Variants in ROBO1 observed in about 807,000 individuals in gnomAD.
The protein encoded by ROBO1 is roundabout guidance receptor 1.
A neutral mutation model predicts 195.9 loss-of-function variants in ROBO1; 149 were observed. The observed-to-expected ratio is 0.76, with a 90% CI of 0.67 to 0.87. The LOEUF (loss-of-function observed/expected upper bound fraction) is 0.87, where lower values mean the gene tolerates loss of function less well. Ranked by LOEUF, ROBO1 falls within the 40% of genes least tolerant of loss-of-function variation. ROBO1 has a pLI of 0.00. For synonymous variants in ROBO1, 816 were observed against 733.2 expected, an observed-to-expected ratio of 1.11 and a Z score of -1.82; for missense variants, 1,933 against 2,068.3, an observed-to-expected ratio of 0.93 and a Z score of 1.27.
At chr3:79,544,646 A>C (rs1942196205) in intron 2 of ROBO1, among the ~76,000 whole-genome samples, 4 of 152,034 alleles carry the variant, frequency 2.6e-5, no homozygotes, top group Admixed American at 2.6e-4. Context: ...AGGTTTATAA[A>C]AATTTTTGTA....
intron 3 of ROBO1, among the ~76,000 whole-genome samples, chr3:79,034,738 A>T (rs986994822): frequency 2.0e-5 from 3 of 152,178 alleles, no homozygotes; most frequent in African/African-American, 7.2e-5. Flanking sequence ...TAGCAATCTA[A>T]ATCTTACATT....
intron 4 of ROBO1, among the ~76,000 whole-genome samples, chr3:78,796,776 A>G (rs1202519721): frequency 6.6e-6 from 1 of 151,986 alleles, no homozygotes; most frequent in Non-Finnish European, 1.5e-5. Context: ...GTGTCTCTAA[A>G]CTTTCACCTC....
intron 2 of ROBO1, among the ~76,000 whole-genome samples, chr3:79,240,933 TG>T (rs1234427091): frequency 6.6e-6 from 1 of 152,150 alleles, no homozygotes; most frequent in East Asian, 1.9e-4. Flanking sequence ...ATGAACACCT[TG>T]CCATGCCTCA....
chr3:79,036,939 C>T (rs769564254), intron 3 of ROBO1, among the ~76,000 whole-genome samples: 1 of 152,144 alleles, frequency 6.6e-6, no homozygotes, highest in Non-Finnish European at 1.5e-5. Context: ...CTCGAGTTCT[C>T]ATAGCAAATT....
chr3:79,545,218 G>A (rs1942221582), intron 2 of ROBO1, among the ~76,000 whole-genome samples: 1 of 152,036 alleles, frequency 6.6e-6, no homozygotes, highest in African/African-American at 2.4e-5. Context: ...ATCGATGAAG[G>A]CAATAGCAAC....
chr3:79,209,031 G>C (rs942485803), intron 2 of ROBO1, among the ~76,000 whole-genome samples: 3 of 151,578 alleles, frequency 2.0e-5, no homozygotes, highest in African/African-American at 7.3e-5. Flanking sequence ...CAATAGTTTT[G>C]GGGGGAACAG....
At chr3:79,155,966 C>A (rs1203434513) in intron 2 of ROBO1, among the ~76,000 whole-genome samples, 1 of 151,854 alleles carries the variant, frequency 6.6e-6, no homozygotes, top group Non-Finnish European at 1.5e-5. Context: ...TCCCAACTTA[C>A]AATCCTGAAT....
At chr3:78,634,117 A>G (rs1705344874) in intron 23 of ROBO1, 75 bp from the exon 24 acceptor site, 2 of 976,756 alleles carry the variant, frequency 2.0e-6, no homozygotes, top group Admixed American at 4.7e-5. Context: ...TGCTTTCTCT[A>G]TATTTCTGAG....
chr3:78,699,883 G>A (rs2081382732), intron 8 of ROBO1, among the ~76,000 whole-genome samples: 1 of 151,884 alleles, frequency 6.6e-6, no homozygotes, highest in African/African-American at 2.4e-5. Context: ...TCAGTCTTTA[G>A]AGCTCAGTTA....
At chr3:79,744,644 G>A (rs1218773165) in intron 1 of ROBO1, among the ~76,000 whole-genome samples, 2 of 152,120 alleles carry the variant, frequency 1.3e-5, no homozygotes, top group Non-Finnish European at 2.9e-5. Flanking sequence ...ACTATGAGAA[G>A]TAAGCACTTA....
intron 2 of ROBO1, among the ~76,000 whole-genome samples, chr3:79,244,628 C>T (rs187587663): frequency 2.6e-5 from 4 of 152,062 alleles, no homozygotes; most frequent in Admixed American, 2.6e-4. Flanking sequence ...GGCGGTACAC[C>T]TGTGGTTAAA....
At chr3:78,980,790 A>C (rs1333842194) in intron 3 of ROBO1, among the ~76,000 whole-genome samples, 1 of 152,180 alleles carries the variant, frequency 6.6e-6, no homozygotes, top group East Asian at 1.9e-4. Flanking sequence ...CAGTCCATGG[A>C]AATAAATAAA....
At chr3:79,483,448 G>A (rs1023966131) in intron 2 of ROBO1, among the ~76,000 whole-genome samples, 1 of 152,178 alleles carries the variant, frequency 6.6e-6, no homozygotes, top group Non-Finnish European at 1.5e-5. Flanking sequence ...TGAAAATGCA[G>A]TCATGTATCT....
chr3:79,706,969 T>C (rs1010056893), intron 1 of ROBO1, among the ~76,000 whole-genome samples: 1 of 152,118 alleles, frequency 6.6e-6, no homozygotes, highest in Non-Finnish European at 1.5e-5. Flanking sequence ...TAGGTTTTTT[T>C]TCTTGTGCTA....
chr3:78,666,133 C>T lies in ROBO1; in HGVS notation c.1966+1750G>A, dbSNP rs994661190. Reference sequence around the variant, plus strand: ...CACCTCTTGCTGCCACCATGTGAACCGGGACGTGTTTCTTTCCCCTTCTGC... The same window carrying T: ...CACCTCTTGCTGCCACCATGTGAACTGGGACGTGTTTCTTTCCCCTTCTGC... On this transcript the variant is annotated intron_variant, in intron 14 of 30. Transcript: ENST00000464233. Among the ~76,000 whole-genome samples the T allele has an allele frequency of 5.3e-5, 8 of 152,060 alleles. No homozygotes were observed. The South Asian group carries it at 1.5e-3, about 28-fold the overall frequency.
chr3:79,613,819 G>T (rs766417062), intron 1 of ROBO1, among the ~76,000 whole-genome samples: 3 of 151,914 alleles, frequency 2.0e-5, no homozygotes, highest in Admixed American at 6.6e-5. Flanking sequence ...AAAAGTAAAA[G>T]GTTCGGAGAA....
chr3:79,012,946 A>G (rs1416460230), intron 3 of ROBO1, among the ~76,000 whole-genome samples: 3 of 152,112 alleles, frequency 2.0e-5, no homozygotes. Context: ...CAAGAATTGT[A>G]AAGAATGGAG....
chr3:78,678,066 G>A (rs924128045), intron 10 of ROBO1, among the ~76,000 whole-genome samples: 6 of 152,158 alleles, frequency 3.9e-5, no homozygotes, highest in African/African-American at 1.4e-4. Flanking sequence ...ACCTGCTCCT[G>A]AATGACTACT....
At chr3:79,714,551 T>G (rs1393414953) in intron 1 of ROBO1, among the ~76,000 whole-genome samples, 7 of 151,972 alleles carry the variant, frequency 4.6e-5, no homozygotes. Flanking sequence ...CATGCACATG[T>G]ATGTTTATTG....
Sources: gnomAD v4.1 joint callset for allele counts (sites outside exome capture counted in the v4.1 genomes callset) on GRCh38, gnomAD v4.1.1 for gene constraint, MANE v1.5 for transcripts, NCBI Gene and HGNC (gene_info 2026-07-23, HGNC 2026-07-21) for gene names.